UNC5D: variants seen among roughly 807,000 people sequenced by gnomAD.
The protein encoded by UNC5D is netrin receptor UNC5D.
In UNC5D, 39 loss-of-function variants were observed where a neutral mutation model predicts 105.4. The observed-to-expected ratio is 0.37, with a 90% CI of 0.29 to 0.48. The LOEUF (loss-of-function observed/expected upper bound fraction) is 0.48, where lower values mean the gene tolerates loss of function less well. Among genes scored for constraint, UNC5D ranks in the 20% least tolerant of loss-of-function variants. UNC5D has a pLI of 0.98. For synonymous variants in UNC5D, 452 were observed against 450.4 expected, an observed-to-expected ratio of 1.00 and a Z score of -0.04; for missense variants, 991 against 1,202.4, an observed-to-expected ratio of 0.82 and a Z score of 2.60.
At chr8:35,388,426 GC>G (rs1803573060) in intron 1 of UNC5D, among the ~76,000 whole-genome samples, 1 of 152,020 alleles carries the variant, frequency 6.6e-6, no homozygotes, top group Admixed American at 6.6e-5. Context: ...TCCCTAAGTT[GC>G]CTAGCACTGA....
chr8:35,298,029 G>T (rs1807631275), intron 1 of UNC5D, among the ~76,000 whole-genome samples: 1 of 152,096 alleles, frequency 6.6e-6, no homozygotes, highest in Admixed American at 6.5e-5. Flanking sequence ...TTCACATAGG[G>T]CTTCCTCTTG....
At chr8:35,725,873 GC>G in intron 9 of UNC5D, among the ~76,000 whole-genome samples, 1 of 152,260 alleles carries the variant, frequency 6.6e-6, no homozygotes, top group East Asian at 1.9e-4. Flanking sequence ...CAGAGAGAGT[GC>G]CAGAAATACT....
chr8:35,640,724 T>A (rs2131127576), intron 4 of UNC5D, among the ~76,000 whole-genome samples: 1 of 152,280 alleles, frequency 6.6e-6, no homozygotes, highest in African/African-American at 2.4e-5. Context: ...TTTTTCACAG[T>A]TGTAATTTTA....
intron 1 of UNC5D, among the ~76,000 whole-genome samples, chr8:35,401,994 C>T (rs1804497828): frequency 6.6e-6 from 1 of 152,156 alleles, no homozygotes; most frequent in Non-Finnish European, 1.5e-5. Flanking sequence ...ACAGCTTTTT[C>T]TCGTGTACAT....
At chr8:35,788,464 TTG>T (rs1802852794) in intron 16 of UNC5D, among the ~76,000 whole-genome samples, 1 of 152,182 alleles carries the variant, frequency 6.6e-6, no homozygotes, top group African/African-American at 2.4e-5. Context: ...ATCTTTTGTG[TTG>T]TCTTTGTCTT....
intron 16 of UNC5D, among the ~76,000 whole-genome samples, chr8:35,789,890 AAG>A (rs1802950720): frequency 1.4e-5 from 2 of 141,748 alleles, no homozygotes; most frequent in African/African-American, 6.0e-5. Flanking sequence ...GATAGTCAAG[AAG>A]AAAACACACA....
intron 1 of UNC5D, among the ~76,000 whole-genome samples, chr8:35,294,197 G>C (rs899406873): frequency 5.3e-5 from 8 of 152,136 alleles, no homozygotes; most frequent in African/African-American, 1.9e-4. Context: ...AAACTCAACT[G>C]CATTTGCACA....
chr8:35,787,719 G>T (rs1034305878), intron 16 of UNC5D, among the ~76,000 whole-genome samples: 3 of 152,146 alleles, frequency 2.0e-5, no homozygotes, highest in African/African-American at 7.2e-5. Flanking sequence ...CTGGGCTTAT[G>T]TGATCCTCCT....
chr8:35,314,166 G>A (rs953536238), intron 1 of UNC5D, among the ~76,000 whole-genome samples: 52 of 152,266 alleles, frequency 3.4e-4, no homozygotes, highest in African/African-American at 1.2e-3. Context: ...TTAATTAAAA[G>A]CAAGCGATTC....
At chr8:35,431,738 G>A (rs1209515500) in intron 1 of UNC5D, among the ~76,000 whole-genome samples, 1 of 152,062 alleles carries the variant, frequency 6.6e-6, no homozygotes, top group South Asian at 2.1e-4. Context: ...AATGAAATTA[G>A]TTTGGTATTA....
At chr8:35,789,201 T>G (rs1446649916) in intron 16 of UNC5D, among the ~76,000 whole-genome samples, 1 of 117,604 alleles carries the variant, frequency 8.5e-6, no homozygotes, top group Non-Finnish European at 1.8e-5. Flanking sequence ...GATAGGGATA[T>G]CCATATCTAG....
intron 1 of UNC5D, chr8:35,525,904 G>A (rs997935354): frequency 1.4e-6 from 1 of 732,840 alleles, no homozygotes. Context: ...TTCTCTCCCT[G>A]CACTGGAGTG....
intron 1 of UNC5D, among the ~76,000 whole-genome samples, chr8:35,438,957 C>T (rs944014688): frequency 6.6e-6 from 1 of 151,912 alleles, no homozygotes; most frequent in Non-Finnish European, 1.5e-5. Flanking sequence ...AAAAGGACCC[C>T]TGTTCTGGGA....
At chr8:35,510,904 G>A (rs1812658269) in intron 1 of UNC5D, among the ~76,000 whole-genome samples, 2 of 152,120 alleles carry the variant, frequency 1.3e-5, no homozygotes, top group Admixed American at 6.5e-5. Context: ...CTCTTGACAG[G>A]AACAAATGTA....
chr8:35,634,985 T>C (rs562662321), intron 4 of UNC5D, among the ~76,000 whole-genome samples: 1 of 152,218 alleles, frequency 6.6e-6, no homozygotes, highest in African/African-American at 2.4e-5. Context: ...AGGCTGGTCT[T>C]GAACTCCTGA....
chr8:35,243,885 T>TA (rs1479366786), intron 1 of UNC5D, among the ~76,000 whole-genome samples: 4 of 152,162 alleles, frequency 2.6e-5, no homozygotes, highest in Non-Finnish European at 4.4e-5. Context: ...ATATTTAGAA[T>TA]AAAATTTCAA....
At chr8:35,770,653 T>C (rs1244745383) in intron 15 of UNC5D, among the ~76,000 whole-genome samples, 2 of 152,204 alleles carry the variant, frequency 1.3e-5, no homozygotes, top group African/African-American at 2.4e-5. Context: ...ATTTTGCAAA[T>C]ATTGAAGAGA....
At chr8:35,672,932 G>C (rs564045737) in intron 4 of UNC5D, among the ~76,000 whole-genome samples, 1 of 152,326 alleles carries the variant, frequency 6.6e-6, no homozygotes, top group African/African-American at 2.4e-5. Context: ...CACAATGTCA[G>C]AACGTAAAAT....
At chr8:35,386,849 G>A (rs1803428934) in intron 1 of UNC5D, among the ~76,000 whole-genome samples, 1 of 151,948 alleles carries the variant, frequency 6.6e-6, no homozygotes, top group African/African-American at 2.4e-5. Flanking sequence ...CTATAGATAG[G>A]GCTTACTTTG....
Sources: gnomAD v4.1 joint callset for allele counts (sites outside exome capture counted in the v4.1 genomes callset) on GRCh38, gnomAD v4.1.1 for gene constraint, MANE v1.5 for transcripts, NCBI Gene and HGNC (gene_info 2026-07-23, HGNC 2026-07-21) for gene names.